SLAMF9: variants seen among roughly 807,000 people sequenced by gnomAD.
SLAMF9 encodes the protein CD2 family member 10.
In SLAMF9, 25 loss-of-function variants were observed where a neutral mutation model predicts 30.4. That is an observed-to-expected ratio of 0.82 (90% CI 0.60 to 1.15). The LOEUF (loss-of-function observed/expected upper bound fraction) is 1.15. Among genes scored for constraint, SLAMF9 ranks in the 50% most tolerant of loss-of-function variants. SLAMF9 has a pLI of 0.00. For missense variants in SLAMF9, 344 were observed against 346.1 expected, an observed-to-expected ratio of 0.99 and a Z score of 0.05; for synonymous variants, 129 against 127.2, an observed-to-expected ratio of 1.01 and a Z score of -0.09.
At chr1:159,954,551 T>C, upstream of SLAMF9, among the ~76,000 whole-genome samples, 1 of 152,216 alleles carries the variant, frequency 6.6e-6, no homozygotes, top group Non-Finnish European at 1.5e-5. Context: ...CTCTGGGTAA[T>C]TCCTATGTTG....
At chr1:159,967,461 T>A in the SLAMF9 span, among the ~76,000 whole-genome samples, 4 of 152,196 alleles carry the variant, frequency 2.6e-5, no homozygotes, top group African/African-American at 9.6e-5. Flanking sequence ...TTCTGTTCCA[T>A]TGGTTGATGG....
chr1:159,981,740 C>T, the SLAMF9 span, among the ~76,000 whole-genome samples: 1 of 152,232 alleles, frequency 6.6e-6, no homozygotes. Context: ...TTCACACTGC[C>T]CCATGCTGCT....
At chr1:159,962,374 G>A in the SLAMF9 span, among the ~76,000 whole-genome samples, 1,033 of 152,170 alleles carry the variant, frequency 6.8e-3, 13 homozygotes, top group African/African-American at 0.024. Flanking sequence ...CCGGGGCGGC[G>A]GTTCACGCCT....
At chr1:159,972,678 G>T in the SLAMF9 span, 1 of 187,852 alleles carries the variant, frequency 5.3e-6, no homozygotes, top group South Asian at 1.7e-4. Flanking sequence ...ATGGGGAGCC[G>T]AGTGATCCCC....
rs1431183159 is a variant in SLAMF9 at position 159,952,264 on chromosome 1, G to A, written c.662C>T (p.Ala221Val). Residue 221 changes from alanine to valine, a missense_variant and splice_region_variant, in exon 3 of 4, where the codon GCA becomes GTA. Ala to Val is a moderately conservative substitution (Grantham distance 64, BLOSUM62 0). Transcript: ENST00000368093. ...SCPIPDGPFYADPNYASEKPS... is the reference protein window; with the variant it reads ...SCPIPDGPFYVDPNYASEKPS... Reference sequence around the variant, plus strand: ...GGGTGTCTCAGGGGTTCTGGTACCTGCATAGAAGGGCCCATCAGGGATGGG... The same window carrying A: ...GGGTGTCTCAGGGGTTCTGGTACCTACATAGAAGGGCCCATCAGGGATGGG... 2 of 1,613,954 alleles carry A rather than the reference G, an allele frequency of 1.2e-6. No homozygotes were observed. The highest frequency in any genetic ancestry group is 2.2e-5 in the East Asian group (1 of 44,860).
the SLAMF9 span, among the ~76,000 whole-genome samples, chr1:159,974,966 C>T: frequency 1.3e-5 from 2 of 152,268 alleles, no homozygotes; most frequent in South Asian, 2.1e-4. Context: ...TGAGCATAGG[C>T]CCGGGTGTTC....
At chr1:159,974,849 C>A in the SLAMF9 span, among the ~76,000 whole-genome samples, 1 of 152,164 alleles carries the variant, frequency 6.6e-6, no homozygotes, top group Admixed American at 6.5e-5. Flanking sequence ...GGAAGAGTTC[C>A]CTTCTCATTC....
chr1:159,962,164 A>ATC, the SLAMF9 span, among the ~76,000 whole-genome samples: 1 of 152,156 alleles, frequency 6.6e-6, no homozygotes, highest in African/African-American at 2.4e-5. Context: ...CTCAAAAAAA[A>ATC]AAAAGGTTTA....
In SLAMF9 at chr1:159,953,620, G is replaced by A. The variant is rs1292287243; in HGVS notation, c.80C>T (p.Ser27Phe). Reference protein sequence around the residue: ...SQRRLWRWCGSEEVVAVLQES... With the variant: ...SQRRLWRWCGFEEVVAVLQES... ...CTGAAGGACCGCAACCACTTCCTCG[G>A]ATCCACACCATCTCCAGAGTCTCCT... is the stretch of plus-strand genomic sequence containing the variant. The change falls in exon 2 of 4, where the codon TCC (serine) becomes TTC (phenylalanine). Residue 27 changes from serine to phenylalanine, a missense_variant. Ser to Phe is a radical substitution (Grantham distance 155). Transcript: ENST00000368093. 6.2e-7 allele frequency: 1 copy of A among 1,610,364 alleles called. No homozygotes were observed. The highest frequency in any genetic ancestry group is 8.5e-7 in the Non-Finnish European group (1 of 1,177,122).
the SLAMF9 span, among the ~76,000 whole-genome samples, chr1:159,981,991 C>T: frequency 6.6e-5 from 10 of 152,226 alleles, no homozygotes; most frequent in African/African-American, 2.4e-4. Flanking sequence ...ACTCCTTCTG[C>T]CCGCTCTTCA....
chr1:159,967,701 A>G, the SLAMF9 span, among the ~76,000 whole-genome samples: 7 of 152,216 alleles, frequency 4.6e-5, no homozygotes, highest in Non-Finnish European at 8.8e-5. Context: ...TAATATGGAC[A>G]TTATAACAGT....
chr1:159,953,339 T>G lies in SLAMF9; in HGVS notation c.361A>C (p.Thr121Pro). ...QVNLRTSQIS[T>P]MQQYNICVYR... is the part of the protein sequence containing the mutation. ...ACACATATATTGTACTGCTGCATGG[T>G]AGAGATCTGGGATGTTCTCAGGTTG... The change falls in exon 2 of 4, where the codon ACC becomes CCC. Residue 121 changes from threonine (T) to proline (P), a missense_variant. Thr to Pro is a conservative substitution (Grantham distance 38). Coordinates refer to ENST00000368093, the MANE Select transcript of SLAMF9 (RefSeq NM_033438.4). 1 of 1,610,130 alleles carries G rather than the reference T, an allele frequency of 6.2e-7. No individual in the cohort carries two copies. The highest frequency in any genetic ancestry group is 8.5e-7 in the Non-Finnish European group (1 of 1,176,572).
the SLAMF9 span, chr1:159,973,312 G>T: frequency 1.6e-6 from 1 of 629,776 alleles, no homozygotes; most frequent in South Asian, 2.1e-5. Context: ...GGCTCAGGAG[G>T]GGAGTCCTGG....
Position 159,951,584 on chromosome 1 carries a change from G to T in SLAMF9, c.*77C>A. 2.8e-6 allele frequency: 4 copies of T among 1,430,292 alleles called. No individual in the cohort carries two copies. Among genetic ancestry groups the T allele is most frequent in the South Asian group, 1.2e-5 (1 of 82,688 alleles). 88.6% of individuals were successfully genotyped at this position (1,430,292 alleles called of 1,614,324 possible). ...CACCCCTGAGCACCTCCTTCCCCTG[G>T]AAAGAAGAGAGCTGAGGAAGGATTC... On this transcript the variant is annotated 3_prime_UTR_variant, in exon 4 of 4. Transcript: ENST00000368093.
upstream of SLAMF9, among the ~76,000 whole-genome samples, chr1:159,956,447 C>A (rs1651924581): frequency 6.6e-6 from 1 of 151,826 alleles, no homozygotes; most frequent in South Asian, 2.1e-4. Flanking sequence ...CCAGCAGAGA[C>A]CACCCAGAAT....
chr1:159,982,671 G>A, the SLAMF9 span, among the ~76,000 whole-genome samples: 2 of 152,184 alleles, frequency 1.3e-5, no homozygotes, highest in South Asian at 2.1e-4. Flanking sequence ...CACTAGCATA[G>A]TACATCGTGT....
At chr1:159,958,580 C>T (rs1391966487), upstream of SLAMF9, among the ~76,000 whole-genome samples, 4 of 152,076 alleles carry the variant, frequency 2.6e-5, no homozygotes, top group Non-Finnish European at 4.4e-5. Context: ...CCCATCTCAG[C>T]CTCCCAACTA....
the SLAMF9 span, among the ~76,000 whole-genome samples, chr1:159,965,325 G>C: frequency 6.6e-6 from 1 of 152,210 alleles, no homozygotes; most frequent in African/African-American, 2.4e-5. Context: ...CCTTTGGTTA[G>C]AGTGTTCTGA....
At chr1:159,956,149 C>A (rs1336327956), upstream of SLAMF9, among the ~76,000 whole-genome samples, 1 of 152,152 alleles carries the variant, frequency 6.6e-6, no homozygotes, top group Admixed American at 6.5e-5. Flanking sequence ...GATATATACA[C>A]AATGGAATAC....
Sources: allele counts gnomAD v4.1 joint callset (sites outside exome capture counted in the v4.1 genomes callset), GRCh38; gene constraint gnomAD v4.1.1; transcripts MANE v1.5; gene names NCBI Gene and HGNC (gene_info 2026-07-23, HGNC 2026-07-21).